The following LHFPL4 variants were observed in gnomAD, a reference collection of about 807,000 sequenced individuals.
LHFPL4 encodes the protein LHFPL tetraspan subfamily member 4 protein.
LHFPL4 carries 6 observed loss-of-function variants against 20.0 expected under a neutral mutation model. The observed-to-expected ratio is 0.30, with a 90% CI of 0.16 to 0.59. LHFPL4 has a LOEUF of 0.59. Ranked by LOEUF, LHFPL4 falls within the 20% of genes least tolerant of loss-of-function variation. The pLI is 0.88. For missense variants in LHFPL4, 215 were observed against 331.2 expected (o/e 0.65, Z 2.72); for synonymous variants, 129 against 143.8 (o/e 0.90, Z 0.74).
At chr3:9,527,731 C>T (rs1028701948) in intron 2 of LHFPL4, among the ~76,000 whole-genome samples, 31 of 151,722 alleles carry the variant, frequency 2.0e-4, no homozygotes, top group African/African-American at 7.5e-4. Context: ...AACCCATATA[C>T]AGTAGACTAG....
At chr3:9,503,557 G>A (rs757868007) in intron 3 of LHFPL4, among the ~76,000 whole-genome samples, 2 of 152,208 alleles carry the variant, frequency 1.3e-5, no homozygotes, top group Non-Finnish European at 2.9e-5. Flanking sequence ...TTGAGACAGG[G>A]GGGAAGAGCT....
chr3:9,537,475 C>A (rs2046450795), intron 2 of LHFPL4, among the ~76,000 whole-genome samples: 1 of 152,170 alleles, frequency 6.6e-6, no homozygotes, highest in Non-Finnish European at 1.5e-5. Flanking sequence ...CTCTCATCTG[C>A]CACCCTAGGC....
At chr3:9,512,056 C>T (rs2046264613) in intron 2 of LHFPL4, among the ~76,000 whole-genome samples, 1 of 152,094 alleles carries the variant, frequency 6.6e-6, no homozygotes, top group African/African-American at 2.4e-5. Flanking sequence ...CCTCAGCCTG[C>T]CGAATAGCTG....
chr3:9,509,377 T>C (rs1369237131), intron 2 of LHFPL4, among the ~76,000 whole-genome samples: 1 of 152,064 alleles, frequency 6.6e-6, no homozygotes, highest in Non-Finnish European at 1.5e-5. Flanking sequence ...CTCTATTTCT[T>C]TTCTCGCTTC....
rs538481816 is a variant in LHFPL4, at chr3:9,547,312, C to T, written c.406+4962G>A. ...CCATAAGTCCTGTGGTCTTACACGACTAGCACATACTTATCCTGGCACCCC... is the reference window on the plus strand; with the variant it reads ...CCATAAGTCCTGTGGTCTTACACGATTAGCACATACTTATCCTGGCACCCC... On this transcript the variant is annotated intron_variant, in intron 2 of 3. Coordinates refer to ENST00000287585, the MANE Select transcript of LHFPL4 (RefSeq NM_198560.3). Among the ~76,000 whole-genome samples the T allele has an allele frequency of 5.3e-4, 80 of 152,286 alleles. 2 individuals carry two copies. In the South Asian group the frequency reaches 0.017, roughly 32 times the overall value.
intron 2 of LHFPL4, among the ~76,000 whole-genome samples, chr3:9,526,454 TA>T (rs1289788278): frequency 1.3e-5 from 2 of 152,186 alleles, no homozygotes; most frequent in African/African-American, 4.8e-5. Flanking sequence ...AATCTGACAA[TA>T]GTTTGAATAA....
intron 2 of LHFPL4, among the ~76,000 whole-genome samples, chr3:9,507,434 G>A (rs542055755): frequency 2.0e-5 from 3 of 152,348 alleles, no homozygotes; most frequent in Non-Finnish European, 2.9e-5. Context: ...GATAATGATG[G>A]TATCCTCAAG....
At chr3:9,513,206 T>C (rs146014401) in intron 2 of LHFPL4, among the ~76,000 whole-genome samples, 3,226 of 152,270 alleles carry the variant, frequency 0.021, 114 homozygotes, top group African/African-American at 0.074. Flanking sequence ...GTGATCCGCC[T>C]GTCTCGGCCT....
intron 2 of LHFPL4, among the ~76,000 whole-genome samples, chr3:9,526,840 G>A (rs539426071): frequency 1.3e-5 from 2 of 152,316 alleles, no homozygotes; most frequent in Admixed American, 6.5e-5. Context: ...TGAGATCAGG[G>A]AAGCTTCCCT....
chr3:9,550,083 A>G (rs2125668884), intron 2 of LHFPL4, among the ~76,000 whole-genome samples: 1 of 152,234 alleles, frequency 6.6e-6, no homozygotes, highest in African/African-American at 2.4e-5. Context: ...CCTATTGTAC[A>G]AATGGGAAAT....
chr3:9,529,690 A>G (rs2046397285), intron 2 of LHFPL4, among the ~76,000 whole-genome samples: 1 of 151,956 alleles, frequency 6.6e-6, no homozygotes, highest in Non-Finnish European at 1.5e-5. Flanking sequence ...GCTGGAGTGC[A>G]GTGGCGTGAT....
intron 2 of LHFPL4, among the ~76,000 whole-genome samples, chr3:9,542,308 T>C (rs115394994): frequency 0.019 from 2,843 of 152,050 alleles, 97 homozygotes; most frequent in African/African-American, 0.065. Context: ...AAGAAATTTG[T>C]ATACAAATGT....
At chr3:9,508,458 G>A (rs901779417) in intron 2 of LHFPL4, among the ~76,000 whole-genome samples, 2 of 152,156 alleles carry the variant, frequency 1.3e-5, no homozygotes, top group African/African-American at 4.8e-5. Context: ...GTCCTGCGGC[G>A]GGAACAAGCT....
intron 2 of LHFPL4, among the ~76,000 whole-genome samples, chr3:9,511,120 G>A (rs1453982464): frequency 6.6e-6 from 1 of 151,844 alleles, no homozygotes; most frequent in African/African-American, 2.4e-5. Context: ...GGGAGGCCGA[G>A]GCAGGTGGAT....
intron 2 of LHFPL4, among the ~76,000 whole-genome samples, chr3:9,520,195 A>T (rs972789486): frequency 6.6e-6 from 1 of 152,046 alleles, no homozygotes; most frequent in Non-Finnish European, 1.5e-5. Context: ...AGGGCTCACA[A>T]TTGTAACCCT....
chr3:9,530,245 G>C (rs956439258), intron 2 of LHFPL4, among the ~76,000 whole-genome samples: 1 of 152,056 alleles, frequency 6.6e-6, no homozygotes, highest in African/African-American at 2.4e-5. Context: ...CCAACAGAAG[G>C]CTGTTTCATC....
rs1264564309 is a variant in LHFPL4 at position 9,498,555 on chromosome 3, C to T, written c.*3656G>A. On this transcript the variant is annotated 3_prime_UTR_variant, in exon 4 of 4. Transcript: ENST00000287585. The stretch of plus-strand genomic sequence containing the variant: ...CTATCCTAACAGCACACAGCACAGG[C>T]CCTCGGAGGCCTGCCCATCAGAGCT... The T allele has an allele frequency of 6.5e-6, 1 of 152,716 alleles. No homozygotes were observed. Among genetic ancestry groups the T allele is most frequent in the Non-Finnish European group, 1.5e-5 (1 of 68,088 alleles). 9.5% of individuals were successfully genotyped at this position (152,716 alleles called of 1,614,324 possible). A position where few individuals can be genotyped will look rare whatever the true frequency, so the allele number is the denominator to read the frequency against.
chr3:9,519,788 A>G (rs1272437517), intron 2 of LHFPL4, among the ~76,000 whole-genome samples: 4 of 151,994 alleles, frequency 2.6e-5, no homozygotes, highest in Non-Finnish European at 5.9e-5. Context: ...CCTGAGCTCA[A>G]GGAATCCTTC....
At chr3:9,517,884 C>A (rs1038180517) in intron 2 of LHFPL4, among the ~76,000 whole-genome samples, 3 of 143,074 alleles carry the variant, frequency 2.1e-5, no homozygotes, top group Admixed American at 7.4e-5. Context: ...GATAGTTTTA[C>A]TTCTTCCTTC....
Sources: allele counts gnomAD v4.1 joint callset (sites outside exome capture counted in the v4.1 genomes callset), GRCh38; gene constraint gnomAD v4.1.1; transcripts MANE v1.5; gene names NCBI Gene and HGNC (gene_info 2026-07-23, HGNC 2026-07-21).